PEX5L: variants seen among roughly 807,000 people sequenced by gnomAD.
PEX5L encodes the protein PEX5-related protein.
A neutral mutation model predicts 84.0 loss-of-function variants in PEX5L; 30 were observed. The observed-to-expected ratio is 0.36, with a 90% confidence interval of 0.27 to 0.48. PEX5L has a LOEUF of 0.48. Ranked by LOEUF, PEX5L falls within the 20% of genes least tolerant of loss-of-function variation. The probability of loss-of-function intolerance (pLI) is 0.99; values close to 1 mark genes in which losing one functional copy is unlikely to be tolerated. For synonymous variants in PEX5L, 270 were observed against 283.1 expected (o/e 0.95, Z 0.46); for missense variants, 533 against 754.6 (o/e 0.71, Z 3.44).
chr3:179,949,700 C>T (rs770102231), intron 2 of PEX5L, among the ~76,000 whole-genome samples: 6 of 152,136 alleles, frequency 3.9e-5, no homozygotes, highest in Admixed American at 2.0e-4. Context: ...TCTAACCAAA[C>T]CCTCAAGGGT....
At chr3:179,854,818 A>G (rs1342393381) in intron 8 of PEX5L, among the ~76,000 whole-genome samples, 1 of 152,186 alleles carries the variant, frequency 6.6e-6, no homozygotes, top group Non-Finnish European at 1.5e-5. Flanking sequence ...CCCTTTTCTC[A>G]TGGAGGCTAC....
At chr3:179,931,914 G>A (rs1439483919) in intron 2 of PEX5L, among the ~76,000 whole-genome samples, 5 of 122,498 alleles carry the variant, frequency 4.1e-5, no homozygotes, top group Middle Eastern at 3.8e-3. Context: ...GATTGCTGAT[G>A]GAACCAAACT....
At chr3:180,027,449 T>C (rs1791065657) in intron 1 of PEX5L, among the ~76,000 whole-genome samples, 1 of 152,242 alleles carries the variant, frequency 6.6e-6, no homozygotes, top group Admixed American at 6.5e-5. Context: ...TATTTTGCTG[T>C]ATTGCTTTAT....
At chr3:179,803,972 G>A (rs1720138460) in intron 14 of PEX5L, 1 of 152,046 alleles carries the variant, frequency 6.6e-6, no homozygotes, top group South Asian at 2.1e-4. Flanking sequence ...AGACCTTTTT[G>A]CCCCCACTTC....
intron 2 of PEX5L, among the ~76,000 whole-genome samples, chr3:179,955,642 A>G (rs34180077): frequency 0.037 from 5,555 of 152,158 alleles, 143 homozygotes; most frequent in Non-Finnish European, 0.058. Flanking sequence ...TTGCTGTTCT[A>G]GGAAAAATAT....
chr3:179,812,042 T>C (rs1370376133), intron 10 of PEX5L, among the ~76,000 whole-genome samples, 171 bp from the exon 11 acceptor site: 10 of 152,220 alleles, frequency 6.6e-5, no homozygotes, highest in Admixed American at 6.5e-4. Context: ...AACTCTCTTG[T>C]GACACCTGGC....
chr3:180,000,187 C>A (rs1788267315), intron 1 of PEX5L, among the ~76,000 whole-genome samples: 1 of 152,136 alleles, frequency 6.6e-6, no homozygotes, highest in Non-Finnish European at 1.5e-5. Flanking sequence ...CACACAATTT[C>A]ATTAAACTGG....
At position 179,874,436 on chromosome 3, in the gene PEX5L, C is replaced by T. The variant is rs1333824272; in HGVS notation, c.630-13G>A. On this transcript the variant is annotated splice_polypyrimidine_tract_variant and intron_variant, in intron 6 of 14. Coordinates refer to ENST00000467460, the MANE Select transcript of PEX5L (RefSeq NM_016559.3). The stretch of plus-strand genomic sequence containing the variant: ...GTGTTCTGAGGACCTATAAGGGATG[C>T]ATTAAGGAAATTAAACGTACACTAG... 1 of 1,449,824 alleles carries T rather than the reference C, an allele frequency of 6.9e-7. No individual in the cohort carries two copies. The allele number at this position is 1,449,824 out of a possible 1,614,324, so 89.8% of individuals were successfully genotyped here. A position where few individuals can be genotyped will look rare whatever the true frequency, so the allele number is the denominator to read the frequency against.
At chr3:179,832,943 A>G (rs1341210704) in intron 8 of PEX5L, among the ~76,000 whole-genome samples, 2 of 152,216 alleles carry the variant, frequency 1.3e-5, no homozygotes, top group African/African-American at 2.4e-5. Flanking sequence ...CTAATCTTCA[A>G]CTGTTAAACT....
intron 2 of PEX5L, among the ~76,000 whole-genome samples, chr3:179,904,054 A>C (rs1324858154): frequency 6.6e-6 from 1 of 152,248 alleles, no homozygotes; most frequent in African/African-American, 2.4e-5. Flanking sequence ...ATCTGTTTGC[A>C]GCTGGAAAAT....
chr3:179,895,827 A>G (rs929449821), intron 3 of PEX5L: 1 of 152,182 alleles, frequency 6.6e-6, no homozygotes, highest in Non-Finnish European at 1.5e-5. Flanking sequence ...TATTTTATGT[A>G]TCGTAATTAT....
intron 5 of PEX5L, among the ~76,000 whole-genome samples, chr3:179,877,599 C>A (rs1164104128): frequency 6.6e-6 from 1 of 152,122 alleles, no homozygotes; most frequent in Admixed American, 6.5e-5. Context: ...GCTGGGACTA[C>A]AGGCTTATGC....
intron 2 of PEX5L, among the ~76,000 whole-genome samples, chr3:179,958,933 A>G (rs1441448420): frequency 6.6e-6 from 1 of 152,124 alleles, no homozygotes; most frequent in Non-Finnish European, 1.5e-5. Flanking sequence ...AGGCTGAGGC[A>G]GGAGAATGGC....
intron 1 of PEX5L, among the ~76,000 whole-genome samples, chr3:179,978,139 A>G (rs1293547003): frequency 6.6e-6 from 1 of 152,216 alleles, no homozygotes; most frequent in Non-Finnish European, 1.5e-5. Context: ...TCCAGTTACT[A>G]ACTAGCTGGA....
chr3:179,895,277 T>C (rs1160734932), intron 3 of PEX5L, among the ~76,000 whole-genome samples: 1 of 152,118 alleles, frequency 6.6e-6, no homozygotes, highest in Non-Finnish European at 1.5e-5. Flanking sequence ...CTGGTGTGTA[T>C]TTTATACTTG....
chr3:179,889,524 C>T (rs9810720), intron 3 of PEX5L, among the ~76,000 whole-genome samples: 1,559 of 152,152 alleles, frequency 0.01, 26 homozygotes, highest in African/African-American at 0.036. Context: ...GCTTTGAGAA[C>T]GCTTTTCTTC....
At chr3:180,030,684 G>A (rs1364998702) in intron 1 of PEX5L, among the ~76,000 whole-genome samples, 1 of 152,100 alleles carries the variant, frequency 6.6e-6, no homozygotes, top group African/African-American at 2.4e-5. Flanking sequence ...TAGATTTCTG[G>A]CATCACAACA....
intron 14 of PEX5L, among the ~76,000 whole-genome samples, chr3:179,803,788 A>G (rs534690502): frequency 6.6e-6 from 1 of 152,354 alleles, no homozygotes; most frequent in Admixed American, 6.5e-5. Flanking sequence ...TTGCTCATCT[A>G]TATTGTTAGA....
chr3:179,807,870 A>C, intron 13 of PEX5L, 39 bp from the exon 14 acceptor site: 2 of 1,571,378 alleles, frequency 1.3e-6, no homozygotes, highest in Non-Finnish European at 1.7e-6. Context: ...ACCCAGTACA[A>C]GGCACAATGA....
Sources: gnomAD v4.1 joint callset for allele counts (sites outside exome capture counted in the v4.1 genomes callset) on GRCh38, gnomAD v4.1.1 for gene constraint, MANE v1.5 for transcripts, NCBI Gene and HGNC (gene_info 2026-07-23, HGNC 2026-07-21) for gene names.